SLC26A7: variants seen among roughly 807,000 people sequenced by gnomAD.
SLC26A7 encodes anion exchange transporter.
In SLC26A7, 59 loss-of-function variants were observed where a neutral mutation model predicts 82.5. The observed-to-expected ratio is 0.72, with a 90% CI of 0.58 to 0.89. The LOEUF is 0.89. Ranked by LOEUF, SLC26A7 falls within the 40% of genes least tolerant of loss-of-function variation. The probability of loss-of-function intolerance (pLI) is 0.00; values close to 1 mark genes in which losing one functional copy is unlikely to be tolerated. For synonymous variants in SLC26A7, 271 were observed against 274.3 expected, an observed-to-expected ratio of 0.99 and a Z score of 0.12; for missense variants, 820 against 793.0, an observed-to-expected ratio of 1.03 and a Z score of -0.41.
chr8:91,350,156 G>A (rs1813673640), intron 9 of SLC26A7, among the ~76,000 whole-genome samples: 1 of 152,058 alleles, frequency 6.6e-6, no homozygotes, highest in Non-Finnish European at 1.5e-5. Context: ...AGGGAGAACA[G>A]ACTCCCTCAG....
At chr8:91,234,357 G>A (rs1327908639) in intron 2 of SLC26A7, among the ~76,000 whole-genome samples, 1 of 152,122 alleles carries the variant, frequency 6.6e-6, no homozygotes, top group Non-Finnish European at 1.5e-5. Context: ...TAATTAGTGT[G>A]TGCATTAGGA....
At chr8:91,346,946 C>A (rs1813579905) in intron 9 of SLC26A7, among the ~76,000 whole-genome samples, 2 of 152,168 alleles carry the variant, frequency 1.3e-5, no homozygotes, top group Non-Finnish European at 2.9e-5. Flanking sequence ...TCATGTTCCT[C>A]TTTGTCAGCG....
chr8:91,316,643 A>G (rs1315874610), intron 4 of SLC26A7, among the ~76,000 whole-genome samples: 3 of 151,568 alleles, frequency 2.0e-5, no homozygotes, highest in Non-Finnish European at 2.9e-5. Context: ...TGTAAATATT[A>G]TAATGAACAC....
Position 91,395,564 on chromosome 8 carries a change from T to C in SLC26A7, c.*467T>C, listed in dbSNP as rs1280024782. On this transcript the variant is annotated 3_prime_UTR_variant, in exon 19 of 19. Coordinates refer to ENST00000276609, the MANE Select transcript of SLC26A7 (RefSeq NM_052832.4). The stretch of plus-strand genomic sequence containing the variant: ...CACACAACTTCTCTCTGTATAGGCC[T>C]CTGAAATATCAATAAGGCTAAATAT... 1 of 154,050 alleles carries C rather than the reference T, an allele frequency of 6.5e-6. No homozygotes were observed. The highest frequency in any genetic ancestry group is 2.4e-5 in the African/African-American group (1 of 41,452). The allele number at this position is 154,050 out of a possible 1,614,324, so 9.5% of individuals were successfully genotyped here. A position where few individuals can be genotyped will look rare whatever the true frequency, so the allele number is the denominator to read the frequency against.
At position 91,295,637 on chromosome 8, in the gene SLC26A7, A is replaced by T. The variant is rs973924106; in HGVS notation, c.411A>T (p.Leu137Phe). ...AGAGTAACACAAGCGTGCTGGGCTT[A>T]TCCGACTTTGAAATGCAAAGGATCC... ...TTQSNTSVLG[L>F]SDFEMQRIHV... Residue 137 changes from leucine (L) to phenylalanine (F), a missense_variant, in exon 4 of 19, where the codon TTA becomes TTT. Transcript: ENST00000276609. 3 of 1,614,126 alleles carry T rather than the reference A, an allele frequency of 1.9e-6. No individual in the cohort carries two copies. The highest frequency in any genetic ancestry group is 2.5e-6 in the Non-Finnish European group (3 of 1,179,976).
At chr8:91,368,608 A>G (rs1814265338) in intron 14 of SLC26A7, among the ~76,000 whole-genome samples, 1 of 151,632 alleles carries the variant, frequency 6.6e-6, no homozygotes, top group Non-Finnish European at 1.5e-5. Flanking sequence ...TATTTTTAGT[A>G]GAGACGGGGT....
At chr8:91,234,184 A>T (rs1400897191) in intron 2 of SLC26A7, among the ~76,000 whole-genome samples, 1 of 152,140 alleles carries the variant, frequency 6.6e-6, no homozygotes, top group African/African-American at 2.4e-5. Context: ...GATGACTACC[A>T]TCTTTCTGTG....
chr8:91,312,323 T>A (rs1006293763), intron 4 of SLC26A7, among the ~76,000 whole-genome samples: 2 of 152,214 alleles, frequency 1.3e-5, no homozygotes, highest in African/African-American at 4.8e-5. Context: ...TTATTGTATT[T>A]ATATACTACA....
At chr8:91,211,347 T>C (rs527933264) in intron 1 of SLC26A7, among the ~76,000 whole-genome samples, 6 of 151,938 alleles carry the variant, frequency 3.9e-5, no homozygotes, top group African/African-American at 1.4e-4. Context: ...TTAATCATGC[T>C]AAATAAATTT....
chr8:91,319,038 G>A (rs1812719348), intron 5 of SLC26A7, among the ~76,000 whole-genome samples: 1 of 152,150 alleles, frequency 6.6e-6, no homozygotes, highest in Non-Finnish European at 1.5e-5. Flanking sequence ...ATGCATTGCT[G>A]TATACTAAAT....
chr8:91,271,519 GA>G (rs1257611383), intron 2 of SLC26A7, among the ~76,000 whole-genome samples: 1 of 150,666 alleles, frequency 6.6e-6, no homozygotes, highest in Non-Finnish European at 1.5e-5. Flanking sequence ...TAGAGATAAA[GA>G]ACCAAAGTAT....
chr8:91,337,020 A>G (rs1383416940), intron 6 of SLC26A7, among the ~76,000 whole-genome samples: 7 of 152,174 alleles, frequency 4.6e-5, no homozygotes, highest in Admixed American at 1.3e-4. Context: ...TTTAGCTACT[A>G]CTAGTTTCTT....
intron 2 of SLC26A7, among the ~76,000 whole-genome samples, chr8:91,287,025 G>T (rs568200661): frequency 1.9e-4 from 29 of 152,172 alleles, no homozygotes; most frequent in South Asian, 1.0e-3. Flanking sequence ...ATTGTTCATT[G>T]CCACATTAAG....
chr8:91,376,663 A>T (rs887101943), intron 15 of SLC26A7, among the ~76,000 whole-genome samples: 2 of 151,972 alleles, frequency 1.3e-5, no homozygotes, highest in Admixed American at 6.6e-5. Flanking sequence ...GCAAGTTTTT[A>T]TTTTGTGGGG....
At chr8:91,284,524 C>T (rs1811659068) in intron 2 of SLC26A7, among the ~76,000 whole-genome samples, 1 of 152,148 alleles carries the variant, frequency 6.6e-6, no homozygotes, top group Admixed American at 6.5e-5. Flanking sequence ...TCTTTATTCA[C>T]ATTTGTTTTT....
chr8:91,241,539 TG>T (rs1389809790), intron 2 of SLC26A7, among the ~76,000 whole-genome samples: 3 of 152,156 alleles, frequency 2.0e-5, no homozygotes, highest in Non-Finnish European at 4.4e-5. Context: ...TTTGCTCTAT[TG>T]ATCCTTAACA....
chr8:91,354,145 G>A (rs1309033389), intron 11 of SLC26A7, among the ~76,000 whole-genome samples: 2 of 152,048 alleles, frequency 1.3e-5, no homozygotes, highest in Non-Finnish European at 2.9e-5. Flanking sequence ...TGAAAACAAA[G>A]AAATGAGAAG....
At chr8:91,214,864 CA>C (rs1341459460) in intron 1 of SLC26A7, among the ~76,000 whole-genome samples, 1 of 151,338 alleles carries the variant, frequency 6.6e-6, no homozygotes, top group Non-Finnish European at 1.5e-5. Context: ...TCTCACTGGG[CA>C]AAAATCAAGA....
At chr8:91,216,651 G>A (rs754889082) in intron 1 of SLC26A7, among the ~76,000 whole-genome samples, 4 of 152,074 alleles carry the variant, frequency 2.6e-5, no homozygotes, top group African/African-American at 4.8e-5. Flanking sequence ...AAAAGGAAAA[G>A]ACCATATTTA....
Sources: gnomAD v4.1 joint callset for allele counts (sites outside exome capture counted in the v4.1 genomes callset) on GRCh38, gnomAD v4.1.1 for gene constraint, MANE v1.5 for transcripts, NCBI Gene and HGNC (gene_info 2026-07-23, HGNC 2026-07-21) for gene names.